PTPRT: variants seen among roughly 807,000 people sequenced by gnomAD.
The protein encoded by PTPRT is protein tyrosine phosphatase receptor type T.
PTPRT carries 56 observed loss-of-function variants against 176.8 expected under a neutral mutation model. The ratio of observed to expected loss-of-function variants is 0.32; its 90% confidence interval spans 0.26 to 0.40. The LOEUF (loss-of-function observed/expected upper bound fraction) is 0.40. Ranked by LOEUF, PTPRT falls within the 10% of genes least tolerant of loss-of-function variation. The pLI is 1.00. For missense variants in PTPRT, 1,540 were observed against 1,908.2 expected (o/e 0.81, Z 3.60); for synonymous variants, 783 against 739.0 (o/e 1.06, Z -0.96).
intron 2 of PTPRT, among the ~76,000 whole-genome samples, chr20:42,832,692 T>C (rs1011255277): frequency 4.0e-5 from 2 of 50,580 alleles, no homozygotes; most frequent in Non-Finnish European, 8.6e-5. Flanking sequence ...TTGTCCAGAA[T>C]ACAGAAAGAA....
At chr20:42,602,751 A>C (rs2073804199) in intron 7 of PTPRT, among the ~76,000 whole-genome samples, 1 of 152,034 alleles carries the variant, frequency 6.6e-6, no homozygotes, top group Non-Finnish European at 1.5e-5. Context: ...TAAATACTAG[A>C]TGGTGACAGA....
At chr20:42,100,567 T>A (rs1045062533) in intron 26 of PTPRT, among the ~76,000 whole-genome samples, 1 of 152,198 alleles carries the variant, frequency 6.6e-6, no homozygotes, top group Non-Finnish European at 1.5e-5. Flanking sequence ...AGGCAGTATC[T>A]AACCTATTAA....
rs184923335 is a variant in PTPRT at position 42,161,042 on chromosome 20, C to T, written c.2682+310G>A. Among the ~76,000 whole-genome samples the T allele has an allele frequency of 1.2e-3, 179 of 152,030 alleles. 1 individual carries two copies. The Middle Eastern group carries it at 0.014, about 12-fold the overall frequency. Reference sequence around the variant, plus strand: ...GAGGTGAGACTCCAAAGTGCAGAAACGTTGGAGGTAATGAAACTTTGGATA... The same window carrying T: ...GAGGTGAGACTCCAAAGTGCAGAAATGTTGGAGGTAATGAAACTTTGGATA... On this transcript the variant is annotated intron_variant, in intron 17 of 30. Transcript: ENST00000373187.
At chr20:42,891,737 A>C (rs2079196171) in intron 1 of PTPRT, among the ~76,000 whole-genome samples, 1 of 152,254 alleles carries the variant, frequency 6.6e-6, no homozygotes, top group Non-Finnish European at 1.5e-5. Context: ...AGTTTTGTAG[A>C]GGAACTAAAA....
At chr20:42,562,131 C>T (rs1387988328) in intron 7 of PTPRT, among the ~76,000 whole-genome samples, 2 of 152,190 alleles carry the variant, frequency 1.3e-5, no homozygotes, top group African/African-American at 2.4e-5. Flanking sequence ...CTGTAATTTG[C>T]ATTCAGTAAA....
chr20:42,529,291 G>T (rs1044418419), intron 7 of PTPRT, among the ~76,000 whole-genome samples: 3 of 152,090 alleles, frequency 2.0e-5, no homozygotes, highest in Non-Finnish European at 4.4e-5. Context: ...AGGTTTAAAA[G>T]TCCCAGTGAA....
intron 13 of PTPRT, among the ~76,000 whole-genome samples, chr20:42,280,005 G>A (rs2057112260): frequency 2.1e-5 from 2 of 93,588 alleles, no homozygotes; most frequent in Non-Finnish European, 2.3e-5. Context: ...AGAGACTGGT[G>A]ACCCATCTCT....
At chr20:42,844,976 C>T (rs138298917) in intron 2 of PTPRT, among the ~76,000 whole-genome samples, 1 of 152,184 alleles carries the variant, frequency 6.6e-6, no homozygotes, top group Non-Finnish European at 1.5e-5. Flanking sequence ...CAAGAACCAG[C>T]CCTCTGGGAG....
At chr20:42,340,896 G>GAGTTCTTTCA in intron 11 of PTPRT, among the ~76,000 whole-genome samples, 1 of 152,174 alleles carries the variant, frequency 6.6e-6, no homozygotes, top group East Asian at 1.9e-4. Flanking sequence ...CAAGGTCACC[G>GAGTTCTTTCA]AGTTCTTTCA....
At chr20:42,908,736 T>A (rs941138573) in intron 1 of PTPRT, among the ~76,000 whole-genome samples, 1 of 152,240 alleles carries the variant, frequency 6.6e-6, no homozygotes, top group Non-Finnish European at 1.5e-5. Flanking sequence ...GTGTATGCTA[T>A]ACTATTTCAG....
At chr20:42,923,857 C>G (rs1555805150) in intron 1 of PTPRT, among the ~76,000 whole-genome samples, 1 of 145,260 alleles carries the variant, frequency 6.9e-6, no homozygotes, top group Non-Finnish European at 1.5e-5. Flanking sequence ...TTTTTTTTTC[C>G]TTAAGACAGA....
At chr20:42,229,769 C>T (rs2056096445) in intron 15 of PTPRT, among the ~76,000 whole-genome samples, 2 of 152,170 alleles carry the variant, frequency 1.3e-5, no homozygotes, top group African/African-American at 4.8e-5. Flanking sequence ...TCAGGTCACA[C>T]AGATGCAAAA....
chr20:43,021,142 T>A (rs1985661413), intron 1 of PTPRT, among the ~76,000 whole-genome samples: 1 of 152,082 alleles, frequency 6.6e-6, no homozygotes, highest in South Asian at 2.1e-4. Context: ...ATAAAGAAAT[T>A]AAGAATACAG....
At chr20:42,156,128 G>A (rs899832794) in intron 17 of PTPRT, among the ~76,000 whole-genome samples, 4 of 152,060 alleles carry the variant, frequency 2.6e-5, no homozygotes, top group African/African-American at 9.7e-5. Context: ...TCTTTAATTT[G>A]GTTCTTCCTA....
chr20:42,371,166 C>T (rs2058581735), intron 9 of PTPRT, among the ~76,000 whole-genome samples: 1 of 152,192 alleles, frequency 6.6e-6, no homozygotes, highest in African/African-American at 2.4e-5. Flanking sequence ...AGAACAGCAG[C>T]CCCATAGGGC....
At chr20:42,530,925 C>G (rs914678028) in intron 7 of PTPRT, among the ~76,000 whole-genome samples, 3 of 152,152 alleles carry the variant, frequency 2.0e-5, no homozygotes, top group South Asian at 2.1e-4. Context: ...TGACACAGTG[C>G]CCAGCACAGT....
chr20:42,106,229 A>T (rs1156993732), intron 24 of PTPRT, among the ~76,000 whole-genome samples: 1 of 152,180 alleles, frequency 6.6e-6, no homozygotes, highest in African/African-American at 2.4e-5. Flanking sequence ...AATAAAGATT[A>T]ATTCCTTTCA....
At chr20:42,311,390 A>G (rs2057626255) in intron 12 of PTPRT, among the ~76,000 whole-genome samples, 1 of 152,166 alleles carries the variant, frequency 6.6e-6, no homozygotes, top group African/African-American at 2.4e-5. Flanking sequence ...CTGACAAACC[A>G]TCCTTAACAT....
chr20:42,187,240 T>C (rs1241255487), intron 16 of PTPRT, among the ~76,000 whole-genome samples: 1 of 152,204 alleles, frequency 6.6e-6, no homozygotes. Context: ...CCATTTCTTA[T>C]GCTACTAATG....
Sources: gnomAD v4.1 joint callset for allele counts (sites outside exome capture counted in the v4.1 genomes callset) on GRCh38, gnomAD v4.1.1 for gene constraint, MANE v1.5 for transcripts, NCBI Gene and HGNC (gene_info 2026-07-23, HGNC 2026-07-21) for gene names.